SUPT3H: variants seen among roughly 807,000 people sequenced by gnomAD.
SUPT3H encodes the protein SPT3 homolog, SAGA and STAGA complex component, also known as transcription initiation protein SPT3 homolog.
In SUPT3H, 44 loss-of-function variants were observed where a neutral mutation model predicts 44.3. The ratio of observed to expected loss-of-function variants is 0.99; its 90% CI spans 0.78 to 1.28. SUPT3H has a LOEUF of 1.28. SUPT3H is among the 50% of genes most tolerant of loss of function. The probability of loss-of-function intolerance (pLI) is 0.00; values close to 1 mark genes in which losing one functional copy is unlikely to be tolerated. For missense variants in SUPT3H, 380 were observed against 387.1 expected (o/e 0.98, Z 0.15); for synonymous variants, 124 against 125.6 (o/e 0.99, Z 0.09).
intron 10 of SUPT3H, among the ~76,000 whole-genome samples, chr6:44,916,270 C>T (rs1315023217): frequency 1.3e-5 from 2 of 152,106 alleles, no homozygotes; most frequent in African/African-American, 4.8e-5. Context: ...TCATTTTTTT[C>T]TTTCAATCTA....
intron 6 of SUPT3H, among the ~76,000 whole-genome samples, chr6:44,975,928 A>T (rs1778269431): frequency 6.6e-6 from 1 of 152,202 alleles, no homozygotes; most frequent in Non-Finnish European, 1.5e-5. Context: ...AAAATTCTCG[A>T]GGAAAAATAG....
intron 1 of SUPT3H, among the ~76,000 whole-genome samples, chr6:45,370,555 A>G (rs1162057545): frequency 1.3e-5 from 2 of 152,194 alleles, no homozygotes; most frequent in Non-Finnish European, 2.9e-5. Flanking sequence ...ATTAATCAAT[A>G]TAATAGAACT....
At chr6:45,300,579 G>T (rs567833181) in intron 2 of SUPT3H, among the ~76,000 whole-genome samples, 1 of 152,300 alleles carries the variant, frequency 6.6e-6, no homozygotes, top group South Asian at 2.1e-4. Context: ...GGTGTTACCA[G>T]TGGCTGCTTA....
intron 10 of SUPT3H, among the ~76,000 whole-genome samples, chr6:44,917,083 G>A (rs1451882124): frequency 6.6e-6 from 1 of 152,146 alleles, no homozygotes; most frequent in Non-Finnish European, 1.5e-5. Context: ...GAGCCTGGGA[G>A]GTTGAGGCTG....
intron 10 of SUPT3H, among the ~76,000 whole-genome samples, chr6:44,901,648 A>G (rs1282873634): frequency 8.6e-5 from 13 of 151,616 alleles, no homozygotes; most frequent in African/African-American, 1.9e-4. Flanking sequence ...GCAGGCCAAC[A>G]TTCAGATTCA....
At chr6:45,304,184 A>C (rs1472613891) in intron 2 of SUPT3H, among the ~76,000 whole-genome samples, 1 of 152,164 alleles carries the variant, frequency 6.6e-6, no homozygotes, top group Non-Finnish European at 1.5e-5. Flanking sequence ...TTATCTATTT[A>C]AATGTGTAAA....
intron 2 of SUPT3H, among the ~76,000 whole-genome samples, chr6:45,176,592 C>T (rs1811939411): frequency 6.6e-6 from 1 of 152,176 alleles, no homozygotes; most frequent in African/African-American, 2.4e-5. Flanking sequence ...GGAGACCTGC[C>T]TGCCTCTGTA....
At chr6:45,068,645 T>C (rs933156243) in intron 3 of SUPT3H, among the ~76,000 whole-genome samples, 2 of 152,150 alleles carry the variant, frequency 1.3e-5, no homozygotes, top group Non-Finnish European at 2.9e-5. Flanking sequence ...TCAATGTATA[T>C]ATTTTTTCCC....
In SUPT3H at chr6:45,054,230, C is replaced by T. The variant is rs1790772814; in HGVS notation, c.187-33598G>A. Reference sequence around the variant, plus strand: ...AGTAGGAAGGTCTCTCTTACCTTCTCCTACCCTTCTCCCCTGAAGCAGGCC... The same window carrying T: ...AGTAGGAAGGTCTCTCTTACCTTCTTCTACCCTTCTCCCCTGAAGCAGGCC... On this transcript the variant is annotated intron_variant, in intron 3 of 10. Transcript: ENST00000371459. 2.0e-5 allele frequency among the ~76,000 whole-genome samples: 3 copies of T among 152,020 alleles called. No homozygotes were observed. In the South Asian group the frequency reaches 6.2e-4, roughly 32 times the overall value.
intron 2 of SUPT3H, among the ~76,000 whole-genome samples, chr6:45,363,199 T>C (rs903049487): frequency 8.5e-5 from 13 of 152,092 alleles, no homozygotes; most frequent in Non-Finnish European, 1.2e-4. Context: ...AGACAACAGA[T>C]AGATGAATAA....
At chr6:44,884,307 C>A (rs1305359201) in intron 10 of SUPT3H, among the ~76,000 whole-genome samples, 1 of 152,070 alleles carries the variant, frequency 6.6e-6, no homozygotes, top group Non-Finnish European at 1.5e-5. Context: ...TAATGAGATA[C>A]CATCTCACGC....
At chr6:44,974,571 A>T (rs538954057) in intron 6 of SUPT3H, among the ~76,000 whole-genome samples, 4 of 152,296 alleles carry the variant, frequency 2.6e-5, no homozygotes, top group African/African-American at 9.6e-5. Flanking sequence ...AACAGAGGCC[A>T]TTTCACAGGA....
At chr6:45,114,947 G>A (rs1200097440) in intron 2 of SUPT3H, among the ~76,000 whole-genome samples, 1 of 152,102 alleles carries the variant, frequency 6.6e-6, no homozygotes, top group Non-Finnish European at 1.5e-5. Flanking sequence ...ACCTCATCCA[G>A]AACTCATTGT....
At chr6:44,911,731 T>C (rs968576112) in intron 10 of SUPT3H, among the ~76,000 whole-genome samples, 1 of 152,240 alleles carries the variant, frequency 6.6e-6, no homozygotes. Context: ...GGCCTAAATA[T>C]GTACCAGTGT....
At chr6:45,320,619 A>G (rs80104100) in intron 2 of SUPT3H, among the ~76,000 whole-genome samples, 4 of 152,032 alleles carry the variant, frequency 2.6e-5, no homozygotes, top group Non-Finnish European at 5.9e-5. Flanking sequence ...ACTGGAATTC[A>G]GCCATACTCA....
intron 2 of SUPT3H, among the ~76,000 whole-genome samples, chr6:45,172,884 C>T (rs1192113843): frequency 6.6e-6 from 1 of 152,104 alleles, no homozygotes; most frequent in East Asian, 1.9e-4. Flanking sequence ...GCCACCACAC[C>T]CGGCCCAGAT....
intron 2 of SUPT3H, among the ~76,000 whole-genome samples, chr6:45,173,852 C>T (rs1312710377): frequency 4.6e-5 from 7 of 152,346 alleles, no homozygotes; most frequent in South Asian, 2.1e-4. Context: ...GATGCCCCCA[C>T]CATGTATAAT....
intron 2 of SUPT3H, among the ~76,000 whole-genome samples, chr6:45,258,602 T>C (rs1335669541): frequency 2.0e-5 from 3 of 152,152 alleles, no homozygotes; most frequent in Non-Finnish European, 4.4e-5. Flanking sequence ...TATGAGTAAA[T>C]GGATAATTAC....
At chr6:45,319,217 G>T (rs914826008) in intron 2 of SUPT3H, among the ~76,000 whole-genome samples, 2 of 151,972 alleles carry the variant, frequency 1.3e-5, no homozygotes, top group Non-Finnish European at 2.9e-5. Context: ...TAATTAAATA[G>T]GTGTCTTATA....
Sources: gnomAD v4.1 joint callset for allele counts (sites outside exome capture counted in the v4.1 genomes callset) on GRCh38, gnomAD v4.1.1 for gene constraint, MANE v1.5 for transcripts, NCBI Gene and HGNC (gene_info 2026-07-23, HGNC 2026-07-21) for gene names.